Variants in GRIK4 observed in about 807,000 individuals in gnomAD.
The protein encoded by GRIK4 is glutamate receptor ionotropic, kainate 4.
GRIK4 carries 40 observed loss-of-function variants against 104.9 expected under a neutral mutation model. That is an observed-to-expected ratio of 0.38 (90% confidence interval 0.30 to 0.50). The LOEUF is 0.50. Ranked by LOEUF, GRIK4 falls within the 20% of genes least tolerant of loss-of-function variation. GRIK4 has a pLI of 0.93. For missense variants in GRIK4, 1,047 were observed against 1,308.1 expected, an observed-to-expected ratio of 0.80 and a Z score of 3.08; for synonymous variants, 485 against 524.9, an observed-to-expected ratio of 0.92 and a Z score of 1.04.
chr11:120,980,405 A>T (rs1357717670), intron 19 of GRIK4, among the ~76,000 whole-genome samples: 1 of 152,320 alleles, frequency 6.6e-6, no homozygotes, highest in African/African-American at 2.4e-5. Flanking sequence ...GTATCTGCCT[A>T]CAACCCCAGC....
At chr11:120,803,630 G>A (rs1325092033) in intron 4 of GRIK4, among the ~76,000 whole-genome samples, 2 of 152,136 alleles carry the variant, frequency 1.3e-5, no homozygotes, top group Non-Finnish European at 2.9e-5. Context: ...GAGAGATGGG[G>A]TTTCGCCATG....
chr11:120,883,943 A>G (rs1211009351), intron 11 of GRIK4, among the ~76,000 whole-genome samples: 2 of 152,230 alleles, frequency 1.3e-5, no homozygotes, highest in Non-Finnish European at 2.9e-5. Flanking sequence ...AGCCTGCGTC[A>G]GTCAGCTCTG....
chr11:120,815,567 C>T, intron 5 of GRIK4, 92 bp downstream of exon 5: 1 of 694,570 alleles, frequency 1.4e-6, no homozygotes, highest in East Asian at 3.1e-5. Flanking sequence ...CTGGAAGAGC[C>T]TGTCAAGGCT....
intron 3 of GRIK4, among the ~76,000 whole-genome samples, chr11:120,760,479 GA>G (rs2135439311): frequency 6.6e-6 from 1 of 150,490 alleles, no homozygotes; most frequent in South Asian, 2.1e-4. Flanking sequence ...TAAGTTCTGG[GA>G]TACATGTGCA....
chr11:120,794,028 G>A (rs1194358574), intron 3 of GRIK4, among the ~76,000 whole-genome samples: 2 of 150,566 alleles, frequency 1.3e-5, no homozygotes, highest in Admixed American at 1.3e-4. Context: ...TGAGAGCCAG[G>A]CAATGGTTAG....
At chr11:120,743,973 G>C (rs555479499) in intron 3 of GRIK4, among the ~76,000 whole-genome samples, 1 of 152,342 alleles carries the variant, frequency 6.6e-6, no homozygotes, top group African/African-American at 2.4e-5. Flanking sequence ...TGGTGTGGGA[G>C]TCATGCAGAG....
intron 1 of GRIK4, among the ~76,000 whole-genome samples, chr11:120,576,082 C>G (rs773022306): frequency 6.6e-6 from 1 of 152,130 alleles, no homozygotes; most frequent in Admixed American, 6.5e-5. Context: ...ATTTACTGGG[C>G]TCCTGGGTAA....
intron 3 of GRIK4, among the ~76,000 whole-genome samples, chr11:120,663,625 C>A (rs148167851): frequency 9.4e-4 from 143 of 152,300 alleles, no homozygotes; most frequent in Non-Finnish European, 1.9e-3. Context: ...TCCAAGCCTA[C>A]CTCTTGTTAC....
intron 6 of GRIK4, among the ~76,000 whole-genome samples, chr11:120,827,561 G>A (rs1953300648): frequency 6.6e-6 from 1 of 152,232 alleles, no homozygotes; most frequent in Admixed American, 6.5e-5. Context: ...TGCCTTTGGT[G>A]AATCCCTTAG....
intron 3 of GRIK4, among the ~76,000 whole-genome samples, chr11:120,798,157 C>CTTTTTTTTT (rs539833846): frequency 1.5e-5 from 1 of 68,118 alleles, no homozygotes; most frequent in Non-Finnish European, 2.8e-5. Flanking sequence ...TCTGCTGTCT[C>CTTTTTTTTT]TTTTTTTTTT....
intron 3 of GRIK4, among the ~76,000 whole-genome samples, chr11:120,751,159 A>G (rs969548936): frequency 6.6e-6 from 1 of 150,416 alleles, no homozygotes; most frequent in African/African-American, 2.5e-5. Flanking sequence ...CACCACCCAG[A>G]CTCCCTACTT....
At chr11:120,946,009 G>A (rs1458878595) in intron 14 of GRIK4, among the ~76,000 whole-genome samples, 1 of 152,194 alleles carries the variant, frequency 6.6e-6, no homozygotes, top group Non-Finnish European at 1.5e-5. Flanking sequence ...TCCTTGTAAT[G>A]ATAAGTTTAG....
chr11:120,711,037 A>G (rs1950726344), intron 3 of GRIK4, among the ~76,000 whole-genome samples: 1 of 148,448 alleles, frequency 6.7e-6, no homozygotes, highest in Non-Finnish European at 1.5e-5. Context: ...CTGCTCTCCC[A>G]TTCCATCTCA....
intron 14 of GRIK4, among the ~76,000 whole-genome samples, chr11:120,945,084 A>G (rs925875154): frequency 4.0e-5 from 6 of 151,714 alleles, no homozygotes; most frequent in African/African-American, 1.5e-4. Context: ...AAAAAGTTCA[A>G]CTTTCCTGCA....
intron 11 of GRIK4, among the ~76,000 whole-genome samples, chr11:120,892,479 G>A (rs1006239313): frequency 2.0e-5 from 3 of 152,176 alleles, no homozygotes; most frequent in Non-Finnish European, 2.9e-5. Flanking sequence ...GATTAGGGTG[G>A]AGGCTGGGGA....
intron 3 of GRIK4, among the ~76,000 whole-genome samples, chr11:120,662,916 T>C (rs1329779540): frequency 6.6e-6 from 1 of 152,184 alleles, no homozygotes; most frequent in African/African-American, 2.4e-5. Context: ...TGCCTTGTGA[T>C]GGCTGTTTTT....
At chr11:120,921,746 G>C (rs1283768042) in intron 13 of GRIK4, among the ~76,000 whole-genome samples, 2 of 152,120 alleles carry the variant, frequency 1.3e-5, no homozygotes, top group African/African-American at 4.8e-5. Flanking sequence ...CTCTCCATGG[G>C]GTGGGGAGGT....
At chr11:120,966,611 A>T (rs1210583180) in intron 18 of GRIK4, among the ~76,000 whole-genome samples, 1 of 152,156 alleles carries the variant, frequency 6.6e-6, no homozygotes, top group Non-Finnish European at 1.5e-5. Context: ...GCCTCAAGTG[A>T]TCCGCCCATC....
chr11:120,653,950 C>A (rs948524904), intron 2 of GRIK4, among the ~76,000 whole-genome samples, 158 bp downstream of exon 2: 2 of 152,236 alleles, frequency 1.3e-5, no homozygotes, highest in Admixed American at 1.3e-4. Flanking sequence ...ATCAGCAAGG[C>A]TCCTACCTGT....
Sources: allele counts gnomAD v4.1 joint callset (sites outside exome capture counted in the v4.1 genomes callset), GRCh38; gene constraint gnomAD v4.1.1; transcripts MANE v1.5; gene names NCBI Gene and HGNC (gene_info 2026-07-23, HGNC 2026-07-21).